Variants in TRIM37 observed in about 807,000 individuals in gnomAD.
The protein encoded by TRIM37 is E3 ubiquitin-protein ligase TRIM37.
In TRIM37, 80 loss-of-function variants were observed where a neutral mutation model predicts 129.8. The ratio of observed to expected loss-of-function variants is 0.62; its 90% confidence interval spans 0.51 to 0.74. TRIM37 has a LOEUF of 0.74. Ranked by LOEUF, TRIM37 falls within the 30% of genes least tolerant of loss-of-function variation. The pLI is 0.00. For synonymous variants in TRIM37, 389 were observed against 387.1 expected (o/e 1.00, Z -0.06); for missense variants, 1,054 against 1,176.5 (o/e 0.90, Z 1.52).
In TRIM37 at chr17:59,070,865, A is replaced by G; in HGVS notation, c.767T>C (p.Met256Thr). The G allele has an allele frequency of 6.2e-7, 1 of 1,614,110 alleles. No individual in the cohort carries two copies. The highest frequency in any genetic ancestry group is 8.5e-7 in the Non-Finnish European group (1 of 1,179,976). The change falls in exon 9 of 24, where the codon ATG becomes ACG. Residue 256 changes from methionine to threonine, a missense_variant. This residue lies in a region of TRIM37 where 752 missense variants were observed against 870.8 expected (regional missense o/e 0.86). Coordinates refer to ENST00000262294, the MANE Select transcript of TRIM37 (RefSeq NM_015294.6). Reference protein sequence around the residue: ...MMFQQVHRKPMASFVTTPVPP... With the variant: ...MMFQQVHRKPTASFVTTPVPP... ...AACAGGAGTGGTAACAAAAGATGCCATGGGCTTCCGATGAACTTGCTGAAA... is the reference window on the plus strand; with the variant it reads ...AACAGGAGTGGTAACAAAAGATGCCGTGGGCTTCCGATGAACTTGCTGAAA...
intron 13 of TRIM37, 47 bp downstream of exon 13, chr17:59,056,828 A>T: frequency 1.4e-6 from 2 of 1,411,830 alleles, no homozygotes; most frequent in South Asian, 2.3e-5. Flanking sequence ...TTCTGATGAT[A>T]TTATTTCCCC....
chr17:59,074,833 C>T (rs921876805), intron 8 of TRIM37, among the ~76,000 whole-genome samples: 1 of 152,162 alleles, frequency 6.6e-6, no homozygotes, highest in Non-Finnish European at 1.5e-5. Context: ...TTACTATATG[C>T]TTCATATTCA....
Position 59,025,607 on chromosome 17 carries a change from G to T in TRIM37, c.2257+2808C>A, listed in dbSNP as rs546149649. On this transcript the variant is annotated intron_variant, in intron 19 of 23. Coordinates refer to ENST00000262294, the MANE Select transcript of TRIM37 (RefSeq NM_015294.6). ...TAAAATCCTCGACTGAAGTCCCACC[G>T]TAAGACCTGCAGAACCCACCTATAC... Among the ~76,000 whole-genome samples the T allele has an allele frequency of 2.0e-5, 3 of 152,084 alleles. No individual in the cohort carries two copies. In the South Asian group the frequency reaches 6.2e-4, roughly 32 times the overall value.
chr17:59,084,059 T>C lies in TRIM37; in HGVS notation c.312A>G (p.Val104=). ...KCENHHEKLS[V]FCWTCKKCIC... ...TACACTTCTTACAAGTCCAGCAAAA[T>C]ACACTAAGTTTTTCATGGTGATTTT... The change falls in exon 5 of 24, where the codon GTA becomes GTG. Residue 104 remains valine (V), a synonymous_variant. Transcript: ENST00000262294. 6.2e-7 allele frequency: 1 copy of C among 1,613,638 alleles called. No homozygotes were observed. Among genetic ancestry groups the C allele is most frequent in the South Asian group, 1.1e-5 (1 of 91,078 alleles).
rs780321984 is a variant in TRIM37 at position 59,015,751 on chromosome 17, G to T, written c.2435C>A (p.Ala812Asp). ...ATCACCGATACTGCCATGTATCAAG[G>T]CTCGGGGAGAACTGTGCCTGCTCCC... Reference protein sequence around the residue: ...QSGSRHSSPRALIHGSIGDIL... With the variant: ...QSGSRHSSPRDLIHGSIGDIL... The change falls in exon 21 of 24, where the codon GCC becomes GAC. Residue 812 changes from alanine (A) to aspartate (D), a missense_variant. Transcript: ENST00000262294. 1 of 1,613,920 alleles carries T rather than the reference G, an allele frequency of 6.2e-7. No homozygotes were observed. Among genetic ancestry groups the T allele is most frequent in the East Asian group, 2.2e-5 (1 of 44,870 alleles).
chr17:59,068,084 G>A (rs1362964121), intron 9 of TRIM37, among the ~76,000 whole-genome samples: 2 of 152,088 alleles, frequency 1.3e-5, no homozygotes, highest in African/African-American at 4.8e-5. Context: ...CCTGTATGTT[G>A]CAACTAATAA....
chr17:59,077,425 A>G (rs558256912), intron 7 of TRIM37, among the ~76,000 whole-genome samples: 5 of 152,178 alleles, frequency 3.3e-5, no homozygotes, highest in Non-Finnish European at 7.3e-5. Context: ...CTAGAATCTA[A>G]TATTATCAGA....
At chr17:59,082,360 T>C (rs1332563365) in intron 5 of TRIM37, among the ~76,000 whole-genome samples, 4 of 152,236 alleles carry the variant, frequency 2.6e-5, no homozygotes, top group African/African-American at 9.6e-5. Context: ...TCCTTTGCAC[T>C]TAGCTCAGAT....
At chr17:59,033,141 A>T (rs1383628638) in intron 17 of TRIM37, among the ~76,000 whole-genome samples, 5 of 152,206 alleles carry the variant, frequency 3.3e-5, no homozygotes. Flanking sequence ...ATTTTAAAAC[A>T]ATGCTACACG....
In TRIM37 at chr17:59,047,823, G is replaced by T. The variant is rs2039971215; in HGVS notation, c.1531-4C>A. 3 of 1,613,808 alleles carry T rather than the reference G, an allele frequency of 1.9e-6. No homozygotes were observed. In the East Asian group the frequency reaches 6.7e-5, roughly 36 times the overall value. On this transcript the variant is annotated splice_polypyrimidine_tract_variant and splice_region_variant and intron_variant, in intron 15 of 23. Coordinates refer to ENST00000262294, the MANE Select transcript of TRIM37 (RefSeq NM_015294.6). ...GATCTCCATCTGAAAGCTCGTGCTA[G>T]ATCAATGCCAAGAAAACAAGACGTC...
chr17:59,000,685 C>G (rs541904760), intron 23 of TRIM37, among the ~76,000 whole-genome samples: 65 of 151,962 alleles, frequency 4.3e-4, no homozygotes, highest in African/African-American at 1.5e-3. Context: ...TTGTTTTTTT[C>G]CTAATAACTT....
intron 24 of TRIM37, chr17:58,984,327 A>T (rs2031593467): frequency 6.5e-6 from 1 of 152,674 alleles, no homozygotes; most frequent in South Asian, 2.1e-4. Flanking sequence ...TGCAACATCC[A>T]GTGGGCAGAT....
the TRIM37 span, among the ~76,000 whole-genome samples, chr17:58,968,917 T>A: frequency 6.6e-6 from 1 of 152,026 alleles, no homozygotes; most frequent in Non-Finnish European, 1.5e-5. Context: ...GAGCATCTGA[T>A]GTGGTTCAAG....
At chr17:59,101,677 A>AATATAT (rs1555701174) in intron 2 of TRIM37, among the ~76,000 whole-genome samples, 114 of 101,566 alleles carry the variant, frequency 1.1e-3, no homozygotes, top group Non-Finnish European at 1.6e-3. Context: ...AAAAAAAAAA[A>AATATAT]ATATATATAT....
At chr17:59,034,659 C>T (rs1331431271) in intron 17 of TRIM37, among the ~76,000 whole-genome samples, 1 of 152,022 alleles carries the variant, frequency 6.6e-6, no homozygotes, top group Non-Finnish European at 1.5e-5. Context: ...GGTGCCCGGC[C>T]TATGTTCCCA....
intron 2 of TRIM37, among the ~76,000 whole-genome samples, chr17:59,099,649 C>T (rs1001486794): frequency 3.3e-5 from 5 of 151,996 alleles, no homozygotes; most frequent in South Asian, 2.1e-4. Flanking sequence ...AACAGAGAAA[C>T]GCTAACTAAA....
chr17:58,993,204 C>T (rs2032629650), downstream of TRIM37, among the ~76,000 whole-genome samples: 1 of 152,186 alleles, frequency 6.6e-6, no homozygotes, highest in African/African-American at 2.4e-5. Flanking sequence ...GATTGTGAGG[C>T]CTCCCCAGCC....
rs766348284 is a variant in TRIM37, at chr17:59,056,834, T to TCCCCACAA, written c.1199+33_1199+40dup. ...GAAATATAGTTCTGATGATATTATT[T>TCCCCACAA]CCCCACAATAAAAACCACAACATCA... On this transcript the variant is annotated intron_variant, in intron 13 of 23. Transcript: ENST00000262294. The TCCCCACAA allele has an allele frequency of 1.6e-5, 25 of 1,551,510 alleles. No individual in the cohort carries two copies. In the East Asian group the frequency reaches 5.2e-4, roughly 32 times the overall value.
intron 13 of TRIM37, among the ~76,000 whole-genome samples, chr17:59,056,021 T>C (rs1249882424): frequency 1.3e-5 from 2 of 152,226 alleles, no homozygotes; most frequent in African/African-American, 4.8e-5. Flanking sequence ...AAAGAACTGA[T>C]AGTTGCTTTA....
Sources: gnomAD v4.1 joint callset for allele counts (sites outside exome capture counted in the v4.1 genomes callset) on GRCh38, gnomAD v4.1.1 for gene constraint, gnomAD v4.1.1 regional missense constraint, MANE v1.5 for transcripts, NCBI Gene and HGNC (gene_info 2026-07-23, HGNC 2026-07-21) for gene names.